MTRF1L: variants seen among roughly 807,000 people sequenced by gnomAD.
MTRF1L encodes the protein mitochondrial translation release factor 1 like, also known as peptide chain release factor 1-like, mitochondrial.
In MTRF1L, 29 loss-of-function variants were observed where a neutral mutation model predicts 40.0. The ratio of observed to expected loss-of-function variants is 0.73; its 90% CI spans 0.54 to 0.99. The LOEUF is 0.99. Among genes scored for constraint, MTRF1L ranks in the 50% least tolerant of loss-of-function variants. MTRF1L has a pLI of 0.00. For missense variants in MTRF1L, 412 were observed against 464.5 expected (o/e 0.89, Z 1.04); for synonymous variants, 150 against 175.8 (o/e 0.85, Z 1.16).
chr6:152,990,666 T>A (rs1778476210), intron 6 of MTRF1L: 1 of 152,508 alleles, frequency 6.6e-6, no homozygotes, highest in African/African-American at 2.4e-5. Context: ...CTACTAAAAA[T>A]ACAAAAAATT....
chr6:152,995,370 C>G, intron 2 of MTRF1L, 51 bp from the exon 3 acceptor site: 1 of 1,400,384 alleles, frequency 7.1e-7, no homozygotes, highest in Non-Finnish European at 9.6e-7. Flanking sequence ...TAAAATTTAT[C>G]AAAAAATAAA....
intron 6 of MTRF1L, 131 bp from the exon 7 acceptor site, chr6:152,990,226 T>G: frequency 8.0e-7 from 1 of 1,247,246 alleles, no homozygotes; most frequent in South Asian, 1.6e-5. Context: ...TTTAAACACT[T>G]AGAATCTCAA....
intron 2 of MTRF1L, 128 bp from the exon 3 acceptor site, chr6:152,995,447 T>C (rs1471334116): frequency 5.1e-6 from 4 of 783,302 alleles, no homozygotes; most frequent in Non-Finnish European, 7.9e-6. Context: ...TATTGCTGAG[T>C]ACTGTTCAAC....
At chr6:152,994,390 T>C (rs1778634701) in intron 4 of MTRF1L, 123 bp downstream of exon 4, 7 of 975,762 alleles carry the variant, frequency 7.2e-6, no homozygotes, top group Admixed American at 2.7e-5. Flanking sequence ...TGAGATAATA[T>C]GCAACTCAAA....
In MTRF1L at chr6:152,988,315, T is replaced by C. The variant is rs1159228871; in HGVS notation, c.*1580A>G. Reference sequence around the variant, plus strand: ...TTGATGCTGTCACATTGGCAACACTTGAATTTGAGGGGACACATACAAGCC... The same window carrying C: ...TTGATGCTGTCACATTGGCAACACTCGAATTTGAGGGGACACATACAAGCC... On this transcript the variant is annotated 3_prime_UTR_variant, in exon 7 of 7. Transcript: ENST00000367233. The C allele has an allele frequency of 2.2e-5, 2 of 92,748 alleles. No homozygotes were observed. Among genetic ancestry groups the C allele is most frequent in the South Asian group, 4.2e-4 (1 of 2,360 alleles). 5.7% of individuals were successfully genotyped at this position (92,748 alleles called of 1,614,324 possible).
chr6:152,993,086 GTTTAAT>G (rs1778587355), intron 4 of MTRF1L, 112 bp from the exon 5 acceptor site: 2 of 810,954 alleles, frequency 2.5e-6, no homozygotes, highest in Non-Finnish European at 3.9e-6. Flanking sequence ...TATTTGGGAG[GTTTAAT>G]TTTAAGACTA....
At position 152,990,112 on chromosome 6, in the gene MTRF1L, A is replaced by T; in HGVS notation, c.943-17T>A. 3 of 1,608,964 alleles carry T rather than the reference A, an allele frequency of 1.9e-6. No homozygotes were observed. The highest frequency in any genetic ancestry group is 2.5e-6 in the Non-Finnish European group (3 of 1,178,002). On this transcript the variant is annotated splice_polypyrimidine_tract_variant and intron_variant, in intron 6 of 6. Coordinates refer to ENST00000367233, the MANE Select transcript of MTRF1L (RefSeq NM_019041.7). ...ACTTCCAATCTGTATATAGAGAAAA[A>T]GATGAGATGCAGCTAGATTCAGGGC...
chr6:152,999,450 A>T (rs1778833403), intron 1 of MTRF1L, among the ~76,000 whole-genome samples: 1 of 152,218 alleles, frequency 6.6e-6, no homozygotes, highest in Non-Finnish European at 1.5e-5. Flanking sequence ...AGCATTATAG[A>T]TAATTTTAGT....
At chr6:153,001,279 CCTT>C (rs1236378853) in intron 1 of MTRF1L, among the ~76,000 whole-genome samples, 4 of 152,148 alleles carry the variant, frequency 2.6e-5, no homozygotes, top group East Asian at 1.9e-4. Flanking sequence ...CCTTTTATAG[CCTT>C]CTTCTCTGCC....
rs761916948 is a variant in MTRF1L, at chr6:153,002,655, G to A, written c.31C>T (p.Arg11Trp). The A allele has an allele frequency of 2.0e-6, 3 of 1,504,714 alleles. No homozygotes were observed. Among genetic ancestry groups the A allele is most frequent in the African/African-American group, 2.8e-5 (2 of 70,770 alleles). The allele number at this position is 1,504,714 out of a possible 1,614,324, so 93.2% of individuals were successfully genotyped here. A position where few individuals can be genotyped will look rare whatever the true frequency, so the allele number is the denominator to read the frequency against. Residue 11 changes from arginine (R) to tryptophan (W), a missense_variant, in exon 1 of 7, where the codon CGG (arginine) becomes TGG (tryptophan). Coordinates refer to ENST00000367233, the MANE Select transcript of MTRF1L (RefSeq NM_019041.7). ...ACGGCCCGGCGGGGCCAGAGCCACC[G>A]GGCAGCGCCCCACAGAACCCGGGAC... Reference protein sequence around the residue: MRSRVLWGAARWLWPRRAVGP... With the variant: MRSRVLWGAAWWLWPRRAVGP...
chr6:152,994,787 A>C (rs1778657490), intron 3 of MTRF1L, 111 bp from the exon 4 acceptor site: 3 of 1,238,488 alleles, frequency 2.4e-6, no homozygotes, highest in Non-Finnish European at 3.5e-6. Flanking sequence ...AAAGGAGATG[A>C]ACATGGAGAC....
chr6:153,002,278 G>A, intron 1 of MTRF1L, 149 bp downstream of exon 1: 1 of 1,202,108 alleles, frequency 8.3e-7, no homozygotes, highest in East Asian at 2.5e-5. Context: ...TGGGATCACA[G>A]CACGTAATGA....
chr6:152,990,042 G>T lies in MTRF1L; in HGVS notation c.996C>A (p.Asn332Lys), dbSNP rs756437015. ...TGTTTATTCTGTGATCTGTGACCCG[G>T]TTCTGTGGAAAATTATATGTTCTTA... ...EKIRTYNFPQ[N>K]RVTDHRINKT... The change falls in exon 7 of 7, where the codon AAC becomes AAA. Residue 332 changes from asparagine to lysine, a missense_variant. Asn to Lys is a moderately conservative substitution (Grantham distance 94). Coordinates refer to ENST00000367233, the MANE Select transcript of MTRF1L (RefSeq NM_019041.7). 3 of 1,613,792 alleles carry T rather than the reference G, an allele frequency of 1.9e-6. No homozygotes were observed. Among genetic ancestry groups the T allele is most frequent in the South Asian group, 1.1e-5 (1 of 91,036 alleles).
At position 152,994,564 on chromosome 6, in the gene MTRF1L, G is replaced by A. The variant is rs1293196053; in HGVS notation, c.636C>T (p.Gly212=). 6.8e-6 allele frequency: 11 copies of A among 1,612,482 alleles called. No individual in the cohort carries two copies. Among genetic ancestry groups the A allele is most frequent in the Non-Finnish European group, 9.3e-6 (11 of 1,179,982 alleles). ...VQRVPKTEKQ[G]RVHTSTMTVA... ...CAGTCATGGTGCTAGTATGGACGCG[G>A]CCTTGCTTTTCTGTCTTTGGCACTC... The change falls in exon 4 of 7, where the codon GGC becomes GGT. Residue 212 remains glycine, a synonymous_variant. Coordinates refer to ENST00000367233, the MANE Select transcript of MTRF1L (RefSeq NM_019041.7).
At chr6:152,996,553 G>A (rs953017474) in intron 2 of MTRF1L, among the ~76,000 whole-genome samples, 4 of 152,104 alleles carry the variant, frequency 2.6e-5, no homozygotes, top group Non-Finnish European at 5.9e-5. Context: ...TTGCCTAAAG[G>A]GGAAGCAGAT....
chr6:152,995,090 CTT>C (rs1213744575), intron 3 of MTRF1L, 44 bp downstream of exon 3: 1 of 1,506,884 alleles, frequency 6.6e-7, no homozygotes, highest in East Asian at 2.3e-5. Context: ...CTTTCCAACT[CTT>C]TTCCTAAACA....
At position 152,994,609 on chromosome 6, in the gene MTRF1L, T is replaced by A. The variant is rs57819885; in HGVS notation, c.591A>T (p.Gly197=). ...GCACTCTTTGTACTCTGTGAACACC[T>A]CCTTCAAATTTCATGTGCCTATAGG... is the stretch of plus-strand genomic sequence containing the variant. ...SEAYRHMKFE[G]GVHRVQRVPK... is the part of the protein sequence containing the mutation. Residue 197 remains glycine, a synonymous_variant, in exon 4 of 7, where the codon GGA becomes GGT. Transcript: ENST00000367233. The A allele has an allele frequency of 9.8e-3, 15,788 of 1,613,834 alleles. 733 individuals are homozygous for A. In the African/African-American group the frequency reaches 0.13, roughly 14 times the overall value.
Position 153,002,698 on chromosome 6 carries a change from A to T in MTRF1L, c.-13T>A. On this transcript the variant is annotated 5_prime_UTR_variant, in exon 1 of 7. Coordinates refer to ENST00000367233, the MANE Select transcript of MTRF1L (RefSeq NM_019041.7). Reference sequence around the variant, plus strand: ...CCCGGGACCGCATCCTTAGTCCGAGATCGCGGACCCTGACCGGAACCGGAA... The same window carrying T: ...CCCGGGACCGCATCCTTAGTCCGAGTTCGCGGACCCTGACCGGAACCGGAA... 1.4e-6 allele frequency: 2 copies of T among 1,471,902 alleles called. No individual in the cohort carries two copies. The highest frequency in any genetic ancestry group is 1.8e-6 in the Non-Finnish European group (2 of 1,116,600). The allele number at this position is 1,471,902 out of a possible 1,614,324, so 91.2% of individuals were successfully genotyped here. A position where few individuals can be genotyped will look rare whatever the true frequency, so the allele number is the denominator to read the frequency against.
intron 5 of MTRF1L, among the ~76,000 whole-genome samples, chr6:152,991,865 T>C (rs1778536400): frequency 6.6e-6 from 1 of 152,214 alleles, no homozygotes; most frequent in African/African-American, 2.4e-5. Flanking sequence ...AAAGTATTTC[T>C]ATACTGAAGG....
Sources: allele counts gnomAD v4.1 joint callset (sites outside exome capture counted in the v4.1 genomes callset), GRCh38; gene constraint gnomAD v4.1.1; transcripts MANE v1.5; gene names NCBI Gene and HGNC (gene_info 2026-07-23, HGNC 2026-07-21).